CIRSR: variants seen among roughly 807,000 people sequenced by gnomAD.
CIRSR encodes the protein corepressor of RBPJ and splicing regulator, also known as CBF1 (RBPJ) interacting corepressor 1.
At chr2:174,368,609 A>G in the CIRSR span, among the ~76,000 whole-genome samples, 1 of 152,234 alleles carries the variant, frequency 6.6e-6, no homozygotes, top group Admixed American at 6.5e-5. Context: ...GCTTGAGCCC[A>G]GGAGTTTGAA....
chr2:174,367,375 C>T, the CIRSR span, among the ~76,000 whole-genome samples: 4 of 152,000 alleles, frequency 2.6e-5, no homozygotes, highest in Non-Finnish European at 4.4e-5. Flanking sequence ...GTCAAGAGAT[C>T]GAGACCATCC....
the CIRSR span, chr2:174,349,003 T>C: frequency 6.3e-7 from 1 of 1,597,848 alleles, no homozygotes; most frequent in Non-Finnish European, 8.5e-7. Flanking sequence ...TCTTTATTGT[T>C]ACTCTCACTC....
the CIRSR span, among the ~76,000 whole-genome samples, chr2:174,361,090 C>T: frequency 2.0e-5 from 3 of 151,212 alleles, no homozygotes; most frequent in African/African-American, 4.9e-5. Context: ...CGATCAACTA[C>T]GATCAACTAT....
At chr2:174,351,250 A>G in the CIRSR span, among the ~76,000 whole-genome samples, 1 of 152,194 alleles carries the variant, frequency 6.6e-6, no homozygotes, top group Non-Finnish European at 1.5e-5. Flanking sequence ...AATAAAATAA[A>G]TAAGTTTAAA....
At chr2:174,391,160 T>G in the CIRSR span, among the ~76,000 whole-genome samples, 1 of 152,082 alleles carries the variant, frequency 6.6e-6, no homozygotes, top group Admixed American at 6.5e-5. Flanking sequence ...CTATTAAAAA[T>G]TTTGCTGCAA....
chr2:174,348,286 C>A, the CIRSR span: 184 of 646,642 alleles, frequency 2.8e-4, no homozygotes, highest in Non-Finnish European at 3.3e-4. Flanking sequence ...AAATAGCTTA[C>A]TTACAAATAT....
the CIRSR span, among the ~76,000 whole-genome samples, chr2:174,369,071 G>A: frequency 7.8e-4 from 119 of 152,162 alleles, no homozygotes; most frequent in Non-Finnish European, 1.5e-3. Flanking sequence ...TATGAAAGTC[G>A]TAGATGGCAT....
chr2:174,392,606 C>T, the CIRSR span, among the ~76,000 whole-genome samples: 1 of 151,974 alleles, frequency 6.6e-6, no homozygotes, highest in Non-Finnish European at 1.5e-5. Context: ...AAGATGGATT[C>T]AAGAGATATT....
At chr2:174,363,189 G>C in the CIRSR span, among the ~76,000 whole-genome samples, 1 of 152,182 alleles carries the variant, frequency 6.6e-6, no homozygotes, top group African/African-American at 2.4e-5. Flanking sequence ...CTCACTGAAA[G>C]ACTAAGACCT....
chr2:174,362,536 A>T, the CIRSR span, among the ~76,000 whole-genome samples: 1 of 151,722 alleles, frequency 6.6e-6, no homozygotes, highest in Admixed American at 6.6e-5. Context: ...AATCTTAATT[A>T]GCCAGGCGTG....
chr2:174,356,345 A>AT, the CIRSR span, among the ~76,000 whole-genome samples: 1 of 151,830 alleles, frequency 6.6e-6, no homozygotes, highest in African/African-American at 2.4e-5. Context: ...GCACATGCCT[A>AT]TACTCCCAGC....
At chr2:174,385,153 T>C in the CIRSR span, among the ~76,000 whole-genome samples, 1 of 147,154 alleles carries the variant, frequency 6.8e-6, no homozygotes, top group Non-Finnish European at 1.5e-5. Flanking sequence ...AGTTTGAGGC[T>C]GCAGTGAGAC....
chr2:174,379,226 G>A, the CIRSR span, among the ~76,000 whole-genome samples: 6 of 152,236 alleles, frequency 3.9e-5, no homozygotes, highest in Admixed American at 3.9e-4. Flanking sequence ...ATTTTGCCTA[G>A]AAACTAAGCT....
At chr2:174,373,870 AACACACACATAC>A in the CIRSR span, among the ~76,000 whole-genome samples, 26 of 150,648 alleles carry the variant, frequency 1.7e-4, no homozygotes, top group Admixed American at 4.6e-4. Context: ...TCACAAGCAA[AACACACACATAC>A]ACACACACAT....
At chr2:174,356,981 C>A in the CIRSR span, among the ~76,000 whole-genome samples, 6 of 152,026 alleles carry the variant, frequency 3.9e-5, no homozygotes, top group Admixed American at 3.3e-4. Flanking sequence ...TGCTTCTCAA[C>A]ATTGATAATT....
chr2:174,359,595 C>T, the CIRSR span, among the ~76,000 whole-genome samples: 74 of 152,204 alleles, frequency 4.9e-4, 2 homozygotes, highest in East Asian at 0.013. Flanking sequence ...AATAGGAACG[C>T]TTTTACACTG....
chr2:174,348,707 G>A, the CIRSR span: 47 of 1,613,998 alleles, frequency 2.9e-5, no homozygotes, highest in Admixed American at 1.0e-4. Context: ...CCTCCCTGCC[G>A]TGGCTTCTGC....
the CIRSR span, among the ~76,000 whole-genome samples, chr2:174,354,417 AATATATATTATATG>A: frequency 3.6e-5 from 3 of 82,410 alleles, no homozygotes; most frequent in African/African-American, 1.3e-4. Context: ...TATTATATAT[AATATATATTATATG>A]ATATATATAA....
chr2:174,363,614 T>C, the CIRSR span, among the ~76,000 whole-genome samples: 13 of 152,246 alleles, frequency 8.5e-5, no homozygotes, highest in Admixed American at 6.5e-4. Flanking sequence ...AGAGGTTTAA[T>C]TGGACTTATA....
Sources: allele counts gnomAD v4.1 joint callset (sites outside exome capture counted in the v4.1 genomes callset), GRCh38; gene constraint gnomAD v4.1.1; transcripts MANE v1.5; gene names NCBI Gene and HGNC (gene_info 2026-07-23, HGNC 2026-07-21).